Variants in RPRD1B observed in about 807,000 individuals in gnomAD.
The protein encoded by RPRD1B is regulation of nuclear pre-mRNA domain-containing protein 1B.
In RPRD1B, 11 loss-of-function variants were observed where a neutral mutation model predicts 41.5. That is an observed-to-expected ratio of 0.27 (90% CI 0.17 to 0.44). RPRD1B has a LOEUF of 0.44. RPRD1B is among the 20% of genes least tolerant of loss of function. The probability of loss-of-function intolerance (pLI) is 1.00; values close to 1 mark genes in which losing one functional copy is unlikely to be tolerated. For missense variants in RPRD1B, 248 were observed against 389.9 expected, an observed-to-expected ratio of 0.64 and a Z score of 3.06; for synonymous variants, 158 against 155.6, an observed-to-expected ratio of 1.02 and a Z score of -0.12.
At chr20:38,082,012 TTTTC>T (rs1431330798) in intron 6 of RPRD1B, among the ~76,000 whole-genome samples, 1 of 151,960 alleles carries the variant, frequency 6.6e-6, no homozygotes, top group African/African-American at 2.4e-5. Context: ...TGGCCTGAAG[TTTTC>T]TTTCTTCATT....
intron 2 of RPRD1B, among the ~76,000 whole-genome samples, chr20:38,046,787 G>A (rs2074125938): frequency 6.6e-6 from 1 of 152,132 alleles, no homozygotes; most frequent in South Asian, 2.1e-4. Flanking sequence ...GGAAGAGTGG[G>A]TAGGAGATGA....
intron 1 of RPRD1B, among the ~76,000 whole-genome samples, chr20:38,036,704 C>T (rs951494120): frequency 5.3e-5 from 8 of 152,298 alleles, no homozygotes; most frequent in Middle Eastern, 3.4e-3. Flanking sequence ...ATATAAACAG[C>T]GCTATCTAAT....
At chr20:38,077,693 C>T (rs1418728793) in intron 6 of RPRD1B, among the ~76,000 whole-genome samples, 2 of 152,132 alleles carry the variant, frequency 1.3e-5, no homozygotes, top group Non-Finnish European at 2.9e-5. Flanking sequence ...CACCTTAGTC[C>T]ACTCTGTCAT....
intron 6 of RPRD1B, among the ~76,000 whole-genome samples, chr20:38,081,391 T>C (rs920414595): frequency 2.6e-5 from 4 of 152,200 alleles, no homozygotes; most frequent in Non-Finnish European, 5.9e-5. Context: ...CTACTGATTT[T>C]TGTATATTGA....
intron 1 of RPRD1B, among the ~76,000 whole-genome samples, chr20:38,039,982 C>T (rs1347078557): frequency 6.6e-6 from 1 of 152,044 alleles, no homozygotes; most frequent in African/African-American, 2.4e-5. Flanking sequence ...GATCCACCCA[C>T]CTCGTCCTCC....
intron 6 of RPRD1B, chr20:38,084,079 A>C (rs572755156): frequency 1.3e-5 from 2 of 152,166 alleles, no homozygotes; most frequent in Non-Finnish European, 2.9e-5. Context: ...TGTGCTTCTC[A>C]AGTGTAGGTC....
At chr20:38,072,881 AG>A (rs920096435) in intron 6 of RPRD1B, among the ~76,000 whole-genome samples, 18 of 152,204 alleles carry the variant, frequency 1.2e-4, no homozygotes, top group African/African-American at 4.3e-4. Context: ...TCACAACAGC[AG>A]CTTTACAAAG....
At chr20:38,080,566 C>T (rs1030681396) in intron 6 of RPRD1B, among the ~76,000 whole-genome samples, 9 of 152,184 alleles carry the variant, frequency 5.9e-5, no homozygotes, top group Non-Finnish European at 1.3e-4. Flanking sequence ...CTCTTTGTCT[C>T]CCAGGCTGGA....
Position 38,091,637 on chromosome 20 carries a change from C to A in RPRD1B, c.*1762C>A. ...CTGCTGCACTCCCCAACCTCTCCCC[C>A]ACCCCCCGTGGTGTGCTGCTTTCTA... On this transcript the variant is annotated 3_prime_UTR_variant, in exon 7 of 7. Coordinates refer to ENST00000373433, the MANE Select transcript of RPRD1B (RefSeq NM_021215.4). 2.0e-6 allele frequency: 2 copies of A among 985,686 alleles called. No individual in the cohort carries two copies. Among genetic ancestry groups the A allele is most frequent in the Non-Finnish European group, 2.4e-6 (2 of 830,144 alleles). The allele number at this position is 985,686 out of a possible 1,614,324, so 61.1% of individuals were successfully genotyped here.
intron 1 of RPRD1B, 54 bp from the exon 2 acceptor site, chr20:38,040,381 T>A: frequency 6.8e-7 from 1 of 1,465,690 alleles, no homozygotes; most frequent in Non-Finnish European, 9.2e-7. Context: ...AAAAGAATTG[T>A]GAATTGAGAA....
chr20:38,092,320 T>C lies in RPRD1B; in HGVS notation c.*2445T>C, dbSNP rs2122784157. 2 of 984,876 alleles carry C rather than the reference T, an allele frequency of 2.0e-6. No individual in the cohort carries two copies. The highest frequency in any genetic ancestry group is 9.4e-5 in the South Asian group (2 of 21,256). 61.0% of individuals were successfully genotyped at this position (984,876 alleles called of 1,614,324 possible). A position where few individuals can be genotyped will look rare whatever the true frequency, so the allele number is the denominator to read the frequency against. ...GGCGGCAGCAGTATATTCTGAAATG[T>C]CTCATAGATATATATTTTTGAATAA... On this transcript the variant is annotated 3_prime_UTR_variant, in exon 7 of 7. Transcript: ENST00000373433.
intron 2 of RPRD1B, among the ~76,000 whole-genome samples, chr20:38,040,934 T>C (rs2074059999): frequency 6.6e-6 from 1 of 152,100 alleles, no homozygotes; most frequent in South Asian, 2.1e-4. Flanking sequence ...TAGCAAGAAA[T>C]TAATTGCCAA....
At chr20:38,089,019 G>T (rs1292921260) in intron 6 of RPRD1B, among the ~76,000 whole-genome samples, 1 of 152,188 alleles carries the variant, frequency 6.6e-6, no homozygotes, top group Non-Finnish European at 1.5e-5. Context: ...GGCAGGGGCT[G>T]ATTTTGTAAG....
intron 6 of RPRD1B, among the ~76,000 whole-genome samples, chr20:38,084,377 A>G (rs2074542023): frequency 6.6e-6 from 1 of 152,220 alleles, no homozygotes; most frequent in Non-Finnish European, 1.5e-5. Context: ...ACAGGGCAAG[A>G]TGATGGAGAT....
At position 38,089,818 on chromosome 20, in the gene RPRD1B, C is replaced by T. The variant is rs139780098; in HGVS notation, c.924C>T (p.Asn308=). The T allele has an allele frequency of 8.1e-6, 13 of 1,614,082 alleles. No homozygotes were observed. The highest frequency in any genetic ancestry group is 2.7e-5 in the African/African-American group (2 of 74,928). The stretch of plus-strand genomic sequence containing the variant: ...TGCCAGACCTCTCACTGCTGCCCAA[C>T]GTCACAGGGGGCTTAGCCCCCCTGC... ...QSLPDLSLLP[N]VTGGLAPLPS... is the part of the protein sequence containing the mutation. Residue 308 remains asparagine (N), a synonymous_variant, in exon 7 of 7, where the codon AAC becomes AAT. Coordinates refer to ENST00000373433, the MANE Select transcript of RPRD1B (RefSeq NM_021215.4).
chr20:38,090,796 T>C lies in RPRD1B; in HGVS notation c.*921T>C. ...TGGACCCTTTCTTCTGGGAGTAGGG[T>C]ACACACTAACGTTTAATCCGCTGTC... On this transcript the variant is annotated 3_prime_UTR_variant, in exon 7 of 7. Transcript: ENST00000373433. 1.0e-6 allele frequency: 1 copy of C among 985,390 alleles called. No individual in the cohort carries two copies. The allele number at this position is 985,390 out of a possible 1,614,324, so 61.0% of individuals were successfully genotyped here.
intron 6 of RPRD1B, chr20:38,070,681 C>T: frequency 1.0e-6 from 1 of 983,092 alleles, no homozygotes; most frequent in Non-Finnish European, 1.2e-6. Context: ...CCTATTTGTA[C>T]AAGTATTAAG....
chr20:38,071,052 G>C (rs556943463), intron 6 of RPRD1B, among the ~76,000 whole-genome samples: 12 of 152,288 alleles, frequency 7.9e-5, no homozygotes, highest in African/African-American at 2.9e-4. Flanking sequence ...ATTTTATTCA[G>C]ATCATGGTGT....
At chr20:38,071,721 G>C (rs555137385) in intron 6 of RPRD1B, among the ~76,000 whole-genome samples, 2 of 151,988 alleles carry the variant, frequency 1.3e-5, no homozygotes. Context: ...CTTTATTTTC[G>C]ACAACCTACA....
Sources: gnomAD v4.1 joint callset for allele counts (sites outside exome capture counted in the v4.1 genomes callset) on GRCh38, gnomAD v4.1.1 for gene constraint, MANE v1.5 for transcripts, NCBI Gene and HGNC (gene_info 2026-07-23, HGNC 2026-07-21) for gene names.